SPATA7: variants seen among roughly 807,000 people sequenced by gnomAD.
SPATA7 encodes the protein spermatogenesis-associated protein 7.
SPATA7 carries 43 observed loss-of-function variants against 51.8 expected under a neutral mutation model. That is an observed-to-expected ratio of 0.83 (90% CI 0.65 to 1.07). The LOEUF (loss-of-function observed/expected upper bound fraction) is 1.07. Ranked by LOEUF, SPATA7 falls within the 50% of genes least tolerant of loss-of-function variation. The pLI, the probability that SPATA7 is intolerant of heterozygous loss-of-function variation, is 0.00. For missense variants in SPATA7, 683 were observed against 701.3 expected (o/e 0.97, Z 0.30); for synonymous variants, 230 against 252.8 (o/e 0.91, Z 0.86).
At chr14:88,446,585 G>A (rs2077214479) in intron 3 of SPATA7, among the ~76,000 whole-genome samples, 2 of 151,918 alleles carry the variant, frequency 1.3e-5, no homozygotes, top group South Asian at 4.2e-4. Context: ...TAGGGTGTCA[G>A]TTTTGGATCT....
At chr14:88,470,291 C>G (rs1475052336) in exon 5 of SPATA7, 3 of 507,354 alleles carry the variant, frequency 5.9e-6, no homozygotes, top group African/African-American at 3.9e-5. Context: ...TCTATGCAAC[C>G]TGTTTAACCT....
chr14:88,461,706 A>ACCCACTGTCCTGCC (rs1164308999), intron 4 of SPATA7, among the ~76,000 whole-genome samples: 8 of 151,704 alleles, frequency 5.3e-5, no homozygotes, highest in East Asian at 2.0e-4. Flanking sequence ...GGTGGGCTGC[A>ACCCACTGTCCTGCC]CCCACTGTCC....
rs142011483 is a variant in SPATA7, at chr14:88,416,542, A to G, written c.239-169A>G. 4.6e-3 allele frequency: 2,761 copies of G among 596,042 alleles called. 33 individuals carry two copies. The highest frequency in any genetic ancestry group is 0.024 in the South Asian group (984 of 40,964). The allele number at this position is 596,042 out of a possible 1,614,324, so 36.9% of individuals were successfully genotyped here. A position where few individuals can be genotyped will look rare whatever the true frequency, so the allele number is the denominator to read the frequency against. ...ATATCTAGAGGCACATGTGAAATAAATAATTTTTAAAATGTGTTAGTAACT... is the reference window on the plus strand; with the variant it reads ...ATATCTAGAGGCACATGTGAAATAAGTAATTTTTAAAATGTGTTAGTAACT... On this transcript the variant is annotated intron_variant, in intron 4 of 11. Coordinates refer to ENST00000393545, the MANE Select transcript of SPATA7 (RefSeq NM_018418.5).
chr14:88,423,495 G>T (rs1329533345), intron 5 of SPATA7, among the ~76,000 whole-genome samples: 2 of 151,156 alleles, frequency 1.3e-5, no homozygotes, highest in East Asian at 3.9e-4. Flanking sequence ...GGTCGTGGCT[G>T]CAGTGAGCCA....
intron 9 of SPATA7, among the ~76,000 whole-genome samples, chr14:88,432,400 A>G (rs1303059783): frequency 1.3e-5 from 2 of 152,192 alleles, no homozygotes; most frequent in Non-Finnish European, 2.9e-5. Flanking sequence ...TAATTTAGTT[A>G]CTTGCTACTT....
At chr14:88,464,811 T>G (rs1169356869) in intron 4 of SPATA7, among the ~76,000 whole-genome samples, 1 of 152,226 alleles carries the variant, frequency 6.6e-6, no homozygotes, top group Non-Finnish European at 1.5e-5. Context: ...AACCTGCTCT[T>G]GGCAAGCTGC....
rs542064845 is a variant in SPATA7, at chr14:88,414,936, A to AT, written c.239-1768dup. Among the ~76,000 whole-genome samples the AT allele has an allele frequency of 2.3e-3, 349 of 151,874 alleles. 1 individual carries two copies. The highest frequency in any genetic ancestry group is 5.8e-3 in the South Asian group (28 of 4,818). On this transcript the variant is annotated intron_variant, in intron 4 of 11. Transcript: ENST00000393545. ...CAAAAATATGTTTGGCGTGGTTTCA[A>AT]TTTTTTTACATTTATTGAAACTTGC...
chr14:88,442,925 G>GT (rs1566793115), downstream of SPATA7, among the ~76,000 whole-genome samples: 33 of 139,806 alleles, frequency 2.4e-4, no homozygotes, highest in African/African-American at 8.6e-4. Context: ...TGGAATTTTT[G>GT]GTTTTTTGTT....
Position 88,438,319 on chromosome 14 carries a change from C to A in SPATA7, c.1697C>A (p.Ser566Tyr). 1.2e-6 allele frequency: 2 copies of A among 1,613,982 alleles called. No individual in the cohort carries two copies. Among genetic ancestry groups the A allele is most frequent in the Non-Finnish European group, 1.7e-6 (2 of 1,179,952 alleles). ...LCGLNTSPSQ[S>Y]VQFSSVKGDN... The stretch of plus-strand genomic sequence containing the variant: ...GGTCTTAACACATCACCCTCCCAAT[C>A]TGTTCAGTTCTCCAGTGTCAAAGGC... The change falls in exon 12 of 12, where the codon TCT becomes TAT. Residue 566 changes from serine to tyrosine, a missense_variant. By Grantham distance (144) the Ser-to-Tyr change is moderately radical (BLOSUM62 -2). Coordinates refer to ENST00000393545, the MANE Select transcript of SPATA7 (RefSeq NM_018418.5).
chr14:88,395,693 A>C (rs1414755804), intron 3 of SPATA7, among the ~76,000 whole-genome samples: 2 of 151,918 alleles, frequency 1.3e-5, no homozygotes, highest in African/African-American at 4.8e-5. Context: ...TTCTCTATTT[A>C]ATTGTCCTAG....
At chr14:88,390,196 A>G (rs1361004434) in intron 1 of SPATA7, among the ~76,000 whole-genome samples, 1 of 152,140 alleles carries the variant, frequency 6.6e-6, no homozygotes, top group Non-Finnish European at 1.5e-5. Flanking sequence ...CACTCAATAA[A>G]TTAGCCTTTT....
chr14:88,386,082 TC>T, intron 1 of SPATA7: 4 of 1,391,474 alleles, frequency 2.9e-6, no homozygotes, highest in Non-Finnish European at 3.8e-6. Flanking sequence ...GGCCCCTGTC[TC>T]CTGAACTCAG....
rs374268850 is a variant in SPATA7 at position 88,437,553 on chromosome 14, C to T, written c.1171C>T (p.Arg391Ter). 34 of 1,609,904 alleles carry T rather than the reference C, an allele frequency of 2.1e-5. No individual in the cohort carries two copies. The highest frequency in any genetic ancestry group is 1.7e-4 in the Middle Eastern group (1 of 6,048). Residue 391 changes from arginine to a stop codon, truncating the protein, a stop_gained, in exon 11 of 12, where the codon CGA becomes TGA. Coordinates refer to ENST00000393545, the MANE Select transcript of SPATA7 (RefSeq NM_018418.5). LOFTEE classifies it low-confidence loss of function (END_TRUNC). ...LGLFSNRFLE[R>*]LFERHIKQNK... ...GTTTATCATTTGTAGGTTTTTAGAA[C>T]GACTGTTCGAGCGACATATAAAACA...
intron 10 of SPATA7, among the ~76,000 whole-genome samples, chr14:88,437,203 T>TTG (rs142237850): frequency 0.022 from 3,297 of 148,574 alleles, 43 homozygotes; most frequent in African/African-American, 0.038. Context: ...TAGGGTTTGG[T>TTG]TGTGTGTGTG....
At chr14:88,445,610 T>C (rs1406246764) in intron 3 of SPATA7, among the ~76,000 whole-genome samples, 1 of 151,252 alleles carries the variant, frequency 6.6e-6, no homozygotes, top group African/African-American at 2.4e-5. Flanking sequence ...CAGTATGATA[T>C]TGGCTGTGGG....
At position 88,385,806 on chromosome 14, in the gene SPATA7, A is replaced by G; in HGVS notation, c.-13A>G. 1 of 1,605,798 alleles carries G rather than the reference A, an allele frequency of 6.2e-7. No individual in the cohort carries two copies. The highest frequency in any genetic ancestry group is 2.2e-5 in the East Asian group (1 of 44,594). Reference sequence around the variant, plus strand: ...TACAGCGTGTCCCTGCGGCGGCTGCAAGAGGACTAAGCATGGATGGCAGCC... The same window carrying G: ...TACAGCGTGTCCCTGCGGCGGCTGCGAGAGGACTAAGCATGGATGGCAGCC... On this transcript the variant is annotated 5_prime_UTR_variant, in exon 1 of 12. Transcript: ENST00000393545.
intron 9 of SPATA7, among the ~76,000 whole-genome samples, chr14:88,432,298 G>A (rs1288868822): frequency 6.6e-6 from 1 of 152,030 alleles, no homozygotes; most frequent in African/African-American, 2.4e-5. Context: ...GCAAGACCCT[G>A]TGAATCAGTT....
chr14:88,461,649 G>A (rs1015493025), intron 4 of SPATA7, among the ~76,000 whole-genome samples: 4 of 152,106 alleles, frequency 2.6e-5, no homozygotes, highest in Admixed American at 6.5e-5. Flanking sequence ...CTGACCCCTT[G>A]CACTTCCCGG....
intron 4 of SPATA7, among the ~76,000 whole-genome samples, chr14:88,411,825 G>A (rs2139943756): frequency 6.6e-6 from 1 of 152,150 alleles, no homozygotes; most frequent in Non-Finnish European, 1.5e-5. Context: ...ATGAGGGCAT[G>A]TGTCTTTTTG....
Sources: allele counts gnomAD v4.1 joint callset (sites outside exome capture counted in the v4.1 genomes callset), GRCh38; gene constraint gnomAD v4.1.1; transcripts MANE v1.5; gene names NCBI Gene and HGNC (gene_info 2026-07-23, HGNC 2026-07-21).